Variants in MARCHF3 observed in about 807,000 individuals in gnomAD.
MARCHF3 encodes E3 ubiquitin-protein ligase MARCHF3.
In MARCHF3, 13 loss-of-function variants were observed where a neutral mutation model predicts 24.2. The ratio of observed to expected loss-of-function variants is 0.54; its 90% CI spans 0.35 to 0.85. MARCHF3 has a LOEUF of 0.85. Among genes scored for constraint, MARCHF3 ranks in the 40% least tolerant of loss-of-function variants. The pLI is 0.01. For missense variants in MARCHF3, 276 were observed against 325.0 expected, an observed-to-expected ratio of 0.85 and a Z score of 1.16; for synonymous variants, 144 against 137.3, an observed-to-expected ratio of 1.05 and a Z score of -0.34.
rs539163469 is a variant in MARCHF3 at position 126,868,184 on chromosome 5, C to A, written c.*2449G>T. 6.6e-6 allele frequency: 1 copy of A among 152,270 alleles called. No homozygotes were observed. Among genetic ancestry groups the A allele is most frequent in the East Asian group, 1.9e-4 (1 of 5,166 alleles). The allele number at this position is 152,270 out of a possible 1,614,324, so 9.4% of individuals were successfully genotyped here. A position where few individuals can be genotyped will look rare whatever the true frequency, so the allele number is the denominator to read the frequency against. On this transcript the variant is annotated 3_prime_UTR_variant, in exon 5 of 5. Coordinates refer to ENST00000308660, the MANE Select transcript of MARCHF3 (RefSeq NM_178450.5). ...CATTAATACCTGTTAACAAAAGGCACCCCTTCCTGCAGGAGGTGTAGCCCT... is the reference window on the plus strand; with the variant it reads ...CATTAATACCTGTTAACAAAAGGCAACCCTTCCTGCAGGAGGTGTAGCCCT...
At chr5:126,928,525 C>T (rs1749371100) in intron 1 of MARCHF3, among the ~76,000 whole-genome samples, 1 of 152,134 alleles carries the variant, frequency 6.6e-6, no homozygotes, top group African/African-American at 2.4e-5. Flanking sequence ...TGACCTTTTT[C>T]TAGTCAGAGG....
chr5:126,877,307 C>G (rs533020505), intron 4 of MARCHF3, among the ~76,000 whole-genome samples: 1 of 152,260 alleles, frequency 6.6e-6, no homozygotes, highest in South Asian at 2.1e-4. Context: ...ACAGGAAATA[C>G]ATATTGAATA....
At chr5:126,925,440 G>A (rs1327676282) in intron 1 of MARCHF3, among the ~76,000 whole-genome samples, 1 of 151,814 alleles carries the variant, frequency 6.6e-6, no homozygotes, top group African/African-American at 2.4e-5. Flanking sequence ...CTTCAGCCAG[G>A]TAAAATCCTC....
chr5:127,007,472 ATGG>A (rs1752345885), intron 1 of MARCHF3, among the ~76,000 whole-genome samples: 1 of 152,050 alleles, frequency 6.6e-6, no homozygotes, highest in Non-Finnish European at 1.5e-5. Flanking sequence ...TGTTTTTCTA[ATGG>A]TGGTATCTTC....
intron 1 of MARCHF3, among the ~76,000 whole-genome samples, chr5:126,992,568 CTAGT>C (rs1042468039): frequency 2.0e-5 from 3 of 152,132 alleles, no homozygotes; most frequent in Non-Finnish European, 4.4e-5. Context: ...CCAGGATCTT[CTAGT>C]TAATTTCTAC....
intron 3 of MARCHF3, among the ~76,000 whole-genome samples, chr5:126,911,054 C>T (rs540121298): frequency 1.6e-4 from 25 of 152,278 alleles, no homozygotes; most frequent in African/African-American, 3.4e-4. Flanking sequence ...CTTATTAGGA[C>T]GAGGAAATTC....
At chr5:126,946,186 C>T (rs1750002439) in intron 1 of MARCHF3, 1 of 152,002 alleles carries the variant, frequency 6.6e-6, no homozygotes, top group East Asian at 1.9e-4. Flanking sequence ...GCCTGATCAA[C>T]ACAGTGAAAC....
intron 3 of MARCHF3, among the ~76,000 whole-genome samples, chr5:126,913,449 A>G (rs1413935365): frequency 6.6e-6 from 1 of 152,220 alleles, no homozygotes; most frequent in East Asian, 1.9e-4. Context: ...TTATTTAATT[A>G]TATTTGCCCC....
At chr5:126,873,423 AAG>A (rs1412352061) in intron 4 of MARCHF3, among the ~76,000 whole-genome samples, 21 of 152,020 alleles carry the variant, frequency 1.4e-4, no homozygotes, top group Non-Finnish European at 2.5e-4. Flanking sequence ...AAAAAAAAAA[AAG>A]AGAGACAGAG....
chr5:126,990,031 A>G (rs965100148), intron 1 of MARCHF3, among the ~76,000 whole-genome samples: 3 of 150,652 alleles, frequency 2.0e-5, no homozygotes, highest in Admixed American at 6.6e-5. Context: ...TCTTCACAGA[A>G]TTAGAAAAAA....
chr5:126,941,284 C>T (rs572420570), intron 1 of MARCHF3, among the ~76,000 whole-genome samples: 14 of 152,208 alleles, frequency 9.2e-5, no homozygotes, highest in African/African-American at 2.6e-4. Context: ...ACATAAAAAG[C>T]GAGGTCTCTG....
intron 1 of MARCHF3, among the ~76,000 whole-genome samples, chr5:126,973,681 G>A (rs1283865185): frequency 1.3e-5 from 2 of 152,132 alleles, no homozygotes; most frequent in Admixed American, 6.5e-5. Flanking sequence ...AAGAGATGTG[G>A]ATTACTGCCT....
intron 1 of MARCHF3, among the ~76,000 whole-genome samples, chr5:126,949,360 C>A (rs1267466128): frequency 6.6e-6 from 1 of 152,188 alleles, no homozygotes; most frequent in Admixed American, 6.5e-5. Flanking sequence ...CTACAAATAA[C>A]ATTTCTAGCG....
Position 126,869,373 on chromosome 5 carries a change from C to G in MARCHF3, c.*1260G>C, listed in dbSNP as rs1213739460. 2 of 152,210 alleles carry G rather than the reference C, an allele frequency of 1.3e-5. No individual in the cohort carries two copies. The highest frequency in any genetic ancestry group is 1.3e-4 in the Admixed American group (2 of 15,288). 9.4% of individuals were successfully genotyped at this position (152,210 alleles called of 1,614,324 possible). On this transcript the variant is annotated 3_prime_UTR_variant, in exon 5 of 5. Coordinates refer to ENST00000308660, the MANE Select transcript of MARCHF3 (RefSeq NM_178450.5). The stretch of plus-strand genomic sequence containing the variant: ...GCCAGCGCTCTCCTCAGAAGACATC[C>G]GCTCCTGCCTCGGTGCGCGCACAAT...
At chr5:126,942,892 G>A (rs528668767) in intron 1 of MARCHF3, among the ~76,000 whole-genome samples, 1 of 152,310 alleles carries the variant, frequency 6.6e-6, no homozygotes, top group East Asian at 1.9e-4. Context: ...GCACTACACT[G>A]TTGGCAAGGT....
At chr5:126,937,443 TA>T (rs1749683138) in intron 1 of MARCHF3, among the ~76,000 whole-genome samples, 1 of 152,202 alleles carries the variant, frequency 6.6e-6, no homozygotes, top group Admixed American at 6.5e-5. Flanking sequence ...CCAGCAGCAA[TA>T]ATCTGCCAAA....
At chr5:126,966,062 T>C (rs1431645141) in intron 1 of MARCHF3, among the ~76,000 whole-genome samples, 1 of 152,232 alleles carries the variant, frequency 6.6e-6, no homozygotes, top group Non-Finnish European at 1.5e-5. Context: ...ATAGATATCA[T>C]GCTGACATAA....
rs1752124101 is a variant in MARCHF3 at position 127,001,419 on chromosome 5, A to C, written c.-57+28931T>G. ...CTGATCTAAATTCTATATGGAACTG[A>C]ACTTTACTGTCATCTGTAAAACAAC... is the stretch of plus-strand genomic sequence containing the variant. On this transcript the variant is annotated intron_variant, in intron 1 of 4. Transcript: ENST00000308660. 2.0e-5 allele frequency among the ~76,000 whole-genome samples: 3 copies of C among 152,268 alleles called. No homozygotes were observed. In the South Asian group the frequency reaches 6.2e-4, roughly 32 times the overall value.
At chr5:126,967,848 C>A (rs1750869635) in intron 1 of MARCHF3, among the ~76,000 whole-genome samples, 1 of 152,152 alleles carries the variant, frequency 6.6e-6, no homozygotes, top group Middle Eastern at 3.2e-3. Context: ...ATAAAACTCA[C>A]TCTCTTAAAA....
Sources: allele counts gnomAD v4.1 joint callset (sites outside exome capture counted in the v4.1 genomes callset), GRCh38; gene constraint gnomAD v4.1.1; transcripts MANE v1.5; gene names NCBI Gene and HGNC (gene_info 2026-07-23, HGNC 2026-07-21).